Variants in ARHGAP42 observed in about 807,000 individuals in gnomAD.
ARHGAP42 encodes rho GTPase-activating protein 42.
A neutral mutation model predicts 125.0 loss-of-function variants in ARHGAP42; 63 were observed. The ratio of observed to expected loss-of-function variants is 0.50; its 90% CI spans 0.41 to 0.62. The LOEUF (loss-of-function observed/expected upper bound fraction) is 0.62, where lower values mean the gene tolerates loss of function less well. ARHGAP42 is among the 20% of genes least tolerant of loss of function. The probability of loss-of-function intolerance (pLI) is 0.00; values close to 1 mark genes in which losing one functional copy is unlikely to be tolerated. For missense variants in ARHGAP42, 766 were observed against 1,024.2 expected, an observed-to-expected ratio of 0.75 and a Z score of 3.44; for synonymous variants, 339 against 351.0, an observed-to-expected ratio of 0.97 and a Z score of 0.38.
intron 3 of ARHGAP42, among the ~76,000 whole-genome samples, chr11:100,826,163 C>T (rs1177516198): frequency 6.6e-6 from 1 of 151,932 alleles, no homozygotes; most frequent in Non-Finnish European, 1.5e-5. Flanking sequence ...AACCCTTATT[C>T]CAGGGTTTTA....
At chr11:100,977,341 A>G (rs1858420104) in intron 21 of ARHGAP42, among the ~76,000 whole-genome samples, 1 of 152,232 alleles carries the variant, frequency 6.6e-6, no homozygotes, top group Admixed American at 6.5e-5. Flanking sequence ...ATTGACTATA[A>G]GCCAGGTCCC....
At chr11:100,964,434 G>T (rs1480367823) in intron 16 of ARHGAP42, among the ~76,000 whole-genome samples, 1 of 152,102 alleles carries the variant, frequency 6.6e-6, no homozygotes, top group Non-Finnish European at 1.5e-5. Context: ...TCAGATTTTT[G>T]ATGTCTCCAT....
At chr11:100,842,882 C>T (rs1489501400) in intron 3 of ARHGAP42, among the ~76,000 whole-genome samples, 1 of 151,888 alleles carries the variant, frequency 6.6e-6, no homozygotes, top group Non-Finnish European at 1.5e-5. Context: ...AGACCACAAA[C>T]AGACAATCTA....
At chr11:100,779,795 G>T (rs963831520) in intron 2 of ARHGAP42, among the ~76,000 whole-genome samples, 5 of 151,718 alleles carry the variant, frequency 3.3e-5, no homozygotes, top group African/African-American at 1.2e-4. Flanking sequence ...GGAGGCTGAG[G>T]CAGGTGTATT....
At chr11:100,798,239 C>G (rs1863767672) in intron 3 of ARHGAP42, among the ~76,000 whole-genome samples, 1 of 152,146 alleles carries the variant, frequency 6.6e-6, no homozygotes, top group African/African-American at 2.4e-5. Flanking sequence ...AATGCAGTAG[C>G]AGGGTTGACA....
intron 4 of ARHGAP42, 62 bp downstream of exon 4, chr11:100,859,687 C>T: frequency 7.9e-7 from 1 of 1,264,000 alleles, no homozygotes; most frequent in Non-Finnish European, 1.1e-6. Flanking sequence ...GACATAATTT[C>T]AGATGTTAAC....
intron 3 of ARHGAP42, chr11:100,840,729 T>C (rs1864926163): frequency 1.3e-5 from 2 of 152,208 alleles, no homozygotes; most frequent in African/African-American, 4.8e-5. Context: ...ATTCATGTAA[T>C]GCTATCCATT....
chr11:100,833,935 A>G (rs1298631494), intron 3 of ARHGAP42, among the ~76,000 whole-genome samples: 1 of 152,158 alleles, frequency 6.6e-6, no homozygotes, highest in South Asian at 2.1e-4. Flanking sequence ...AAATATCATT[A>G]GGAGGTTGTG....
In ARHGAP42 at chr11:100,941,360, A is replaced by T. The variant is rs369005433; in HGVS notation, c.833-424A>T. ...GGGAAGGCACTAGAGGGTTCTGAAC[A>T]AAGGAGTGAAATGGCCTGGCTAAAT... On this transcript the variant is annotated intron_variant, in intron 8 of 23. Transcript: ENST00000298815. Among the ~76,000 whole-genome samples the T allele has an allele frequency of 2.6e-5, 4 of 152,300 alleles. No individual in the cohort carries two copies. The South Asian group carries it at 8.3e-4, about 32-fold the overall frequency.
chr11:100,710,393 A>G (rs1591120594), intron 1 of ARHGAP42, among the ~76,000 whole-genome samples: 1 of 138,332 alleles, frequency 7.2e-6, no homozygotes, highest in Non-Finnish European at 1.6e-5. Flanking sequence ...TGCCTGGCTA[A>G]TTTTTTTTTT....
intron 2 of ARHGAP42, among the ~76,000 whole-genome samples, chr11:100,781,332 A>C (rs1190144958): frequency 6.6e-6 from 1 of 152,086 alleles, no homozygotes; most frequent in Non-Finnish European, 1.5e-5. Context: ...TGACTTAGAA[A>C]TGTTGGCTTG....
chr11:100,989,174 T>C lies in ARHGAP42; in HGVS notation c.*373T>C. ...ATGGATTTTGAGATCTGTCCTTTAC[T>C]GCCTGGCATTCTCTGAGGATCTCTG... On this transcript the variant is annotated 3_prime_UTR_variant, in exon 24 of 24. Coordinates refer to ENST00000298815, the MANE Select transcript of ARHGAP42 (RefSeq NM_152432.4). 2.5e-6 allele frequency: 1 copy of C among 399,392 alleles called. No homozygotes were observed. The highest frequency in any genetic ancestry group is 4.4e-6 in the Non-Finnish European group (1 of 226,500). The allele number at this position is 399,392 out of a possible 1,614,324, so 24.7% of individuals were successfully genotyped here. A position where few individuals can be genotyped will look rare whatever the true frequency, so the allele number is the denominator to read the frequency against.
Position 100,913,257 on chromosome 11 carries a change from T to C in ARHGAP42, c.385-195T>C, listed in dbSNP as rs185828046. On this transcript the variant is annotated intron_variant, in intron 4 of 23. Transcript: ENST00000298815. ...TCTCACCGCAAGATGGAAAGCTTTT[T>C]TGAGAGCAGAGTACATACTGAAATG... Among the ~76,000 whole-genome samples, 234 of 152,302 alleles carry C rather than the reference T, an allele frequency of 1.5e-3. 6 individuals carry two copies. Among genetic ancestry groups the C allele is most frequent in the Admixed American group, 0.014 (213 of 15,300 alleles).
intron 3 of ARHGAP42, among the ~76,000 whole-genome samples, chr11:100,840,985 TC>T (rs1325420990): frequency 6.6e-6 from 1 of 152,146 alleles, no homozygotes; most frequent in Non-Finnish European, 1.5e-5. Flanking sequence ...TTCTCAATGC[TC>T]CCCCTTAGTT....
At chr11:100,796,492 A>G (rs991126966) in intron 3 of ARHGAP42, among the ~76,000 whole-genome samples, 3 of 152,228 alleles carry the variant, frequency 2.0e-5, no homozygotes, top group Non-Finnish European at 4.4e-5. Flanking sequence ...GCCAAAAGGT[A>G]GAACTGATTT....
At chr11:100,803,500 C>T (rs1863914476) in intron 3 of ARHGAP42, among the ~76,000 whole-genome samples, 1 of 152,110 alleles carries the variant, frequency 6.6e-6, no homozygotes, top group Non-Finnish European at 1.5e-5. Flanking sequence ...GTCTAATGTC[C>T]TCCTAGGGAG....
rs1220115603 is a variant in ARHGAP42, at chr11:100,976,235, T to C, written c.2034T>C (p.Gly678=). The C allele has an allele frequency of 6.4e-7, 1 of 1,551,600 alleles. No individual in the cohort carries two copies. Among genetic ancestry groups the C allele is most frequent in the East Asian group, 2.4e-5 (1 of 40,904 alleles). The change falls in exon 20 of 24, where the codon GGT becomes GGC. Residue 678 remains glycine, a synonymous_variant. Coordinates refer to ENST00000298815, the MANE Select transcript of ARHGAP42 (RefSeq NM_152432.4). ...CTTCCAATGGACAGAAAAGCCTTGG[T>C]CTGTGGACAACTAGTCCTGAATCAA... ...PSSSNGQKSL[G]LWTTSPESSS... is the part of the protein sequence containing the mutation.
At position 100,779,979 on chromosome 11, in the gene ARHGAP42, T is replaced by C. The variant is rs555166170; in HGVS notation, c.250+9541T>C. On this transcript the variant is annotated intron_variant, in intron 2 of 23. Coordinates refer to ENST00000298815, the MANE Select transcript of ARHGAP42 (RefSeq NM_152432.4). ...AGTCAGAGGTTGCAGTGATCCAAGA[T>C]TGCGCCACTGCACTCTAGCCTGGGG... is the stretch of plus-strand genomic sequence containing the variant. Among the ~76,000 whole-genome samples the C allele has an allele frequency of 4.0e-5, 6 of 151,708 alleles. No homozygotes were observed. The South Asian group carries it at 1.0e-3, about 26-fold the overall frequency.
intron 3 of ARHGAP42, among the ~76,000 whole-genome samples, chr11:100,813,552 G>C (rs1049316576): frequency 1.3e-5 from 2 of 152,132 alleles, no homozygotes; most frequent in African/African-American, 4.8e-5. Context: ...ATGTATAGAT[G>C]GTATTTAAAT....
Sources: gnomAD v4.1 joint callset for allele counts (sites outside exome capture counted in the v4.1 genomes callset) on GRCh38, gnomAD v4.1.1 for gene constraint, MANE v1.5 for transcripts, NCBI Gene and HGNC (gene_info 2026-07-23, HGNC 2026-07-21) for gene names.